Variants in AOPEP observed in about 807,000 individuals in gnomAD.
AOPEP encodes aminopeptidase O.
A neutral mutation model predicts 98.1 loss-of-function variants in AOPEP; 77 were observed. The ratio of observed to expected loss-of-function variants is 0.78; its 90% CI spans 0.65 to 0.95. The LOEUF is 0.95. Among genes scored for constraint, AOPEP ranks in the 40% least tolerant of loss-of-function variants. The probability of loss-of-function intolerance (pLI) is 0.00; values close to 1 mark genes in which losing one functional copy is unlikely to be tolerated. For synonymous variants in AOPEP, 346 were observed against 365.3 expected (o/e 0.95, Z 0.60); for missense variants, 1,024 against 1,024.7 (o/e 1.00, Z 0.01).
chr9:95,077,634 T>C (rs1033659626), intron 14 of AOPEP, among the ~76,000 whole-genome samples: 1 of 152,228 alleles, frequency 6.6e-6, no homozygotes, highest in Admixed American at 6.5e-5. Flanking sequence ...CCCACCTCTC[T>C]GGCCCGTAGG....
chr9:95,062,098 C>T (rs1461126416), intron 14 of AOPEP, among the ~76,000 whole-genome samples: 1 of 152,146 alleles, frequency 6.6e-6, no homozygotes, highest in Non-Finnish European at 1.5e-5. Context: ...GAGGTGGCCC[C>T]CTTCCGTTTA....
At chr9:94,876,814 A>C (rs2047002254) in intron 5 of AOPEP, among the ~76,000 whole-genome samples, 1 of 152,198 alleles carries the variant, frequency 6.6e-6, no homozygotes, top group South Asian at 2.1e-4. Context: ...CAACTAGAGC[A>C]AAAAGGAGCC....
At chr9:94,884,436 T>C (rs1371782492) in intron 5 of AOPEP, among the ~76,000 whole-genome samples, 2 of 152,054 alleles carry the variant, frequency 1.3e-5, no homozygotes, top group African/African-American at 4.8e-5. Context: ...TCTGACCAAA[T>C]AGACATTAAG....
intron 5 of AOPEP, among the ~76,000 whole-genome samples, chr9:94,805,189 G>C (rs1848985968): frequency 6.6e-6 from 1 of 151,358 alleles, no homozygotes; most frequent in Admixed American, 6.6e-5. Context: ...TTTTTCTTGG[G>C]ACCGTAGATA....
At chr9:94,927,468 C>T (rs2054527580) in intron 6 of AOPEP, among the ~76,000 whole-genome samples, 1 of 152,208 alleles carries the variant, frequency 6.6e-6, no homozygotes, top group Non-Finnish European at 1.5e-5. Context: ...TTGCCATTCT[C>T]TAAGCACATC....
chr9:94,843,380 T>A (rs2042500191), intron 5 of AOPEP, among the ~76,000 whole-genome samples: 1 of 152,214 alleles, frequency 6.6e-6, no homozygotes, highest in African/African-American at 2.4e-5. Flanking sequence ...AATTCCAGCC[T>A]CCAACCCTTG....
intron 7 of AOPEP, among the ~76,000 whole-genome samples, chr9:94,949,158 T>C (rs922732919): frequency 6.6e-6 from 1 of 152,172 alleles, no homozygotes; most frequent in Non-Finnish European, 1.5e-5. Context: ...CATTGATTGG[T>C]TTCTTATTTT....
In AOPEP at chr9:95,056,443, T is replaced by C. The variant is rs142743499; in HGVS notation, c.2116-4251T>C. 3.3e-5 allele frequency: 5 copies of C among 152,468 alleles called. No homozygotes were observed. The East Asian group carries it at 9.6e-4, about 29-fold the overall frequency. The allele number at this position is 152,468 out of a possible 1,614,324, so 9.4% of individuals were successfully genotyped here. On this transcript the variant is annotated intron_variant, in intron 13 of 16. Transcript: ENST00000375315. ...GACATGTCCGTGGCATTTTCTGATG[T>C]AGGAGGTGAGCTGGCCTGTTCTGCA...
intron 11 of AOPEP, among the ~76,000 whole-genome samples, chr9:94,999,934 T>G (rs571345773): frequency 2.0e-5 from 3 of 152,288 alleles, no homozygotes; most frequent in African/African-American, 7.2e-5. Flanking sequence ...TTGATCTCTG[T>G]AAACGTTTTT....
At chr9:94,866,117 C>T (rs2045680011) in intron 5 of AOPEP, among the ~76,000 whole-genome samples, 1 of 152,186 alleles carries the variant, frequency 6.6e-6, no homozygotes, top group Admixed American at 6.5e-5. Flanking sequence ...GAGTCACTGA[C>T]TGGGAAGCAG....
intron 9 of AOPEP, among the ~76,000 whole-genome samples, chr9:94,966,653 A>G (rs779812323): frequency 6.6e-6 from 1 of 152,224 alleles, no homozygotes; most frequent in Non-Finnish European, 1.5e-5. Context: ...AAATCTTCAG[A>G]TGAGGAAAGG....
At chr9:94,974,875 T>A (rs1021557966) in intron 10 of AOPEP, among the ~76,000 whole-genome samples, 2 of 152,216 alleles carry the variant, frequency 1.3e-5, no homozygotes, top group Non-Finnish European at 2.9e-5. Context: ...GTACCATCTG[T>A]GTGGCCTTGG....
At chr9:94,746,601 A>G (rs1834534372) in intron 1 of AOPEP, among the ~76,000 whole-genome samples, 1 of 152,228 alleles carries the variant, frequency 6.6e-6, no homozygotes, top group Admixed American at 6.5e-5. Context: ...AAAGGGATAC[A>G]TTCTTTCACC....
Position 94,775,714 on chromosome 9 carries a change from C to A in AOPEP, c.964+2546C>A, listed in dbSNP as rs886638566. On this transcript the variant is annotated intron_variant, in intron 3 of 16. Transcript: ENST00000375315. ...ATTTAGGCTGGGACAGTGGCTCACG[C>A]CTGTAATCCCAGCACTTTTGGAGGC... 3.3e-5 allele frequency among the ~76,000 whole-genome samples: 5 copies of A among 152,162 alleles called. No homozygotes were observed. In the East Asian group the frequency reaches 9.8e-4, roughly 30 times the overall value.
chr9:95,043,820 A>G, intron 13 of AOPEP, among the ~76,000 whole-genome samples: 1 of 152,148 alleles, frequency 6.6e-6, no homozygotes. Flanking sequence ...GCATGCCACC[A>G]TGCCTGGCTA....
chr9:95,016,517 A>C (rs2133068161), intron 13 of AOPEP, among the ~76,000 whole-genome samples: 1 of 152,238 alleles, frequency 6.6e-6, no homozygotes, highest in South Asian at 2.1e-4. Context: ...TGCTGGGATT[A>C]CAGGTGTGAG....
intron 7 of AOPEP, among the ~76,000 whole-genome samples, chr9:94,937,206 AC>A (rs1262324965): frequency 1.1e-4 from 17 of 152,164 alleles, no homozygotes; most frequent in African/African-American, 4.8e-5. Context: ...GCTGCTAGCC[AC>A]CCATCAACTC....
At chr9:94,792,963 T>TTGAGGGAGCGGTA (rs1391784552) in intron 4 of AOPEP, 45 bp downstream of exon 4, 1 of 1,508,220 alleles carries the variant, frequency 6.6e-7, no homozygotes, top group Non-Finnish European at 9.0e-7. Context: ...AAAAAAACAC[T>TTGAGGGAGCGGTA]TGAGGGAGCG....
intron 5 of AOPEP, among the ~76,000 whole-genome samples, chr9:94,910,000 G>A (rs975670775): frequency 6.6e-6 from 1 of 152,112 alleles, no homozygotes; most frequent in Non-Finnish European, 1.5e-5. Flanking sequence ...AAGGTTCAGC[G>A]CTAGCACATC....
Sources: gnomAD v4.1 joint callset for allele counts (sites outside exome capture counted in the v4.1 genomes callset) on GRCh38, gnomAD v4.1.1 for gene constraint, MANE v1.5 for transcripts, NCBI Gene and HGNC (gene_info 2026-07-23, HGNC 2026-07-21) for gene names.